SCHIP1: variants seen among roughly 807,000 people sequenced by gnomAD.
The protein encoded by SCHIP1 is schwannomin-interacting protein 1.
A neutral mutation model predicts 29.7 loss-of-function variants in SCHIP1; 8 were observed. That is an observed-to-expected ratio of 0.27 (90% CI 0.16 to 0.49). The LOEUF (loss-of-function observed/expected upper bound fraction) is 0.49. Ranked by LOEUF, SCHIP1 falls within the 20% of genes least tolerant of loss-of-function variation. The probability of loss-of-function intolerance (pLI) is 0.99; values close to 1 mark genes in which losing one functional copy is unlikely to be tolerated. For missense variants in SCHIP1, 193 were observed against 294.6 expected, an observed-to-expected ratio of 0.66 and a Z score of 2.52; for synonymous variants, 76 against 94.9, an observed-to-expected ratio of 0.80 and a Z score of 1.16.
chr3:159,680,642 TATA>T, the SCHIP1 span, among the ~76,000 whole-genome samples: 4 of 87,726 alleles, frequency 4.6e-5, no homozygotes, highest in Non-Finnish European at 4.0e-5. Flanking sequence ...TTATATATTA[TATA>T]ATATATGTAT....
chr3:159,273,760 A>G, the SCHIP1 span: 2 of 1,599,174 alleles, frequency 1.3e-6, no homozygotes, highest in East Asian at 2.3e-5. Context: ...GATTTCTTTC[A>G]AAGCCAATTT....
At chr3:159,309,141 AAAATT>A in the SCHIP1 span, 1 of 185,386 alleles carries the variant, frequency 5.4e-6, no homozygotes, top group African/African-American at 2.7e-5. Context: ...AATAAAAGTT[AAAATT>A]AAAAAAAAAC....
At chr3:159,463,905 A>G in the SCHIP1 span, among the ~76,000 whole-genome samples, 1 of 152,158 alleles carries the variant, frequency 6.6e-6, no homozygotes, top group Admixed American at 6.6e-5. Flanking sequence ...TGCTCAATGT[A>G]TTTGACAGTT....
chr3:159,312,525 A>T, the SCHIP1 span, among the ~76,000 whole-genome samples: 1 of 152,192 alleles, frequency 6.6e-6, no homozygotes, highest in Non-Finnish European at 1.5e-5. Flanking sequence ...CAATTTCATT[A>T]TCCCATCTAA....
At chr3:159,574,003 C>G in the SCHIP1 span, among the ~76,000 whole-genome samples, 1 of 152,192 alleles carries the variant, frequency 6.6e-6, no homozygotes, top group African/African-American at 2.4e-5. Context: ...TCTAGTTAGC[C>G]ATTCATCTAA....
the SCHIP1 span, among the ~76,000 whole-genome samples, chr3:159,290,215 A>G: frequency 2.0e-5 from 3 of 152,356 alleles, no homozygotes; most frequent in Non-Finnish European, 4.4e-5. Flanking sequence ...TTACTCATAC[A>G]AAGTGATCTT....
At chr3:159,383,896 T>A in the SCHIP1 span, among the ~76,000 whole-genome samples, 4 of 151,770 alleles carry the variant, frequency 2.6e-5, no homozygotes, top group Admixed American at 2.6e-4. Flanking sequence ...CACTCATGAT[T>A]TGGCTCTCTG....
the SCHIP1 span, among the ~76,000 whole-genome samples, chr3:159,744,514 A>G: frequency 6.6e-6 from 1 of 152,228 alleles, no homozygotes; most frequent in Non-Finnish European, 1.5e-5. Context: ...TACATTTCAG[A>G]GAAATACTTT....
chr3:159,704,413 T>C, the SCHIP1 span, among the ~76,000 whole-genome samples: 23 of 124,734 alleles, frequency 1.8e-4, no homozygotes, highest in African/African-American at 7.1e-4. Context: ...CCAGCAATTT[T>C]TTCTAAAAAA....
chr3:159,680,713 A>ATACATATATT, the SCHIP1 span, among the ~76,000 whole-genome samples: 1 of 80,014 alleles, frequency 1.2e-5, no homozygotes, highest in African/African-American at 6.1e-5. Flanking sequence ...TATTATATAT[A>ATACATATATT]ATATATGTAT....
the SCHIP1 span, among the ~76,000 whole-genome samples, chr3:159,661,827 G>A: frequency 0.011 from 1,635 of 152,246 alleles, 15 homozygotes; most frequent in Middle Eastern, 0.037. Context: ...GTGCTCAGTC[G>A]TCCTTGCCCT....
the SCHIP1 span, among the ~76,000 whole-genome samples, chr3:159,347,522 C>A: frequency 7.9e-3 from 1,197 of 152,230 alleles, 16 homozygotes; most frequent in African/African-American, 0.028. Flanking sequence ...TTGTAATGGT[C>A]AGAATGTGAA....
chr3:159,474,854 T>C, the SCHIP1 span, among the ~76,000 whole-genome samples: 4 of 152,330 alleles, frequency 2.6e-5, no homozygotes, highest in South Asian at 6.2e-4. Context: ...TTGGATGTTT[T>C]TGACAATTAC....
At chr3:159,643,303 G>T in the SCHIP1 span, among the ~76,000 whole-genome samples, 1 of 152,090 alleles carries the variant, frequency 6.6e-6, no homozygotes, top group African/African-American at 2.4e-5. Context: ...AATTTACCAT[G>T]CTCCAGAGTC....
chr3:159,819,902 G>A, the SCHIP1 span, among the ~76,000 whole-genome samples: 58 of 152,286 alleles, frequency 3.8e-4, no homozygotes, highest in African/African-American at 1.2e-3. Context: ...TAGGTGAGGC[G>A]TAGCCCTCAG....
chr3:159,523,302 T>C, the SCHIP1 span, among the ~76,000 whole-genome samples: 1 of 152,258 alleles, frequency 6.6e-6, no homozygotes, highest in Non-Finnish European at 1.5e-5. Flanking sequence ...TTTTAATAGC[T>C]TGTTTTTAAA....
At chr3:159,778,703 T>C in the SCHIP1 span, among the ~76,000 whole-genome samples, 3 of 152,232 alleles carry the variant, frequency 2.0e-5, no homozygotes, top group African/African-American at 7.2e-5. Context: ...GGTGCTAATA[T>C]ATTTGCTATG....
At chr3:159,297,977 T>C in the SCHIP1 span, among the ~76,000 whole-genome samples, 1 of 152,202 alleles carries the variant, frequency 6.6e-6, no homozygotes, top group African/African-American at 2.4e-5. Flanking sequence ...CCATGAGATA[T>C]TTGTCTATTT....
the SCHIP1 span, among the ~76,000 whole-genome samples, chr3:159,785,835 A>G: frequency 6.5e-3 from 992 of 152,354 alleles, 7 homozygotes; most frequent in African/African-American, 0.023. Context: ...AGAGCTATCC[A>G]TCACTGGGGC....
Sources: gnomAD v4.1 joint callset for allele counts (sites outside exome capture counted in the v4.1 genomes callset) on GRCh38, gnomAD v4.1.1 for gene constraint, MANE v1.5 for transcripts, NCBI Gene and HGNC (gene_info 2026-07-23, HGNC 2026-07-21) for gene names.